PJA2: variants seen among roughly 807,000 people sequenced by gnomAD.
PJA2 encodes the protein praja ring finger ubiquitin ligase 2.
PJA2 carries 25 observed loss-of-function variants against 69.3 expected under a neutral mutation model. The observed-to-expected ratio is 0.36, with a 90% CI of 0.26 to 0.50. The LOEUF (loss-of-function observed/expected upper bound fraction) is 0.50. Ranked by LOEUF, PJA2 falls within the 20% of genes least tolerant of loss-of-function variation. The pLI is 0.96. For synonymous variants in PJA2, 308 were observed against 277.8 expected (o/e 1.11, Z -1.08); for missense variants, 809 against 830.2 (o/e 0.97, Z 0.31).
intron 4 of PJA2, 143 bp downstream of exon 4, chr5:109,378,061 A>G: frequency 1.6e-6 from 1 of 631,956 alleles, no homozygotes; most frequent in Non-Finnish European, 2.7e-6. Context: ...ATGTATGGTT[A>G]GCATTCAGTA....
At chr5:109,379,776 T>C (rs1030888930) in intron 3 of PJA2, among the ~76,000 whole-genome samples, 9 of 152,216 alleles carry the variant, frequency 5.9e-5, no homozygotes, top group Non-Finnish European at 1.2e-4. Context: ...TATCTCAGTA[T>C]CTCGACAGAT....
At chr5:109,364,157 A>G (rs1336635287) in intron 5 of PJA2, among the ~76,000 whole-genome samples, 1 of 151,984 alleles carries the variant, frequency 6.6e-6, no homozygotes, top group Non-Finnish European at 1.5e-5. Flanking sequence ...AACAAAAACA[A>G]AAAAGGACTC....
chr5:109,346,809 G>A (rs150875803), intron 7 of PJA2, among the ~76,000 whole-genome samples: 1 of 152,108 alleles, frequency 6.6e-6, no homozygotes, highest in Non-Finnish European at 1.5e-5. Context: ...TGATTACACT[G>A]AACTGTACAC....
At chr5:109,391,035 C>T (rs940028357) in intron 1 of PJA2, among the ~76,000 whole-genome samples, 1 of 152,068 alleles carries the variant, frequency 6.6e-6, no homozygotes. Flanking sequence ...CCTGACAAAT[C>T]CACTGTAAAA....
chr5:109,353,200 C>T (rs5019262), intron 7 of PJA2, among the ~76,000 whole-genome samples: 5,056 of 50,348 alleles, frequency 0.1, 987 homozygotes, highest in African/African-American at 0.26. Flanking sequence ...ATATTAGATA[C>T]CTATAATATC....
rs1762367137 is a variant in PJA2 at position 109,354,438 on chromosome 5, T to TATCTATA, written c.1764+1476_1764+1477insTATAGAT. On this transcript the variant is annotated intron_variant, in intron 7 of 9. Coordinates refer to ENST00000361189, the MANE Select transcript of PJA2 (RefSeq NM_014819.5). Reference sequence around the variant, plus strand: ...ATTAGATATCTATGATATCTAGAGATGTCTATAGATTAGATATCTATGATA... The same window carrying TATCTATA: ...ATTAGATATCTATGATATCTAGAGATATCTATAGTCTATAGATTAGATATCTATGATA... Among the ~76,000 whole-genome samples the TATCTATA allele has an allele frequency of 2.9e-5, 4 of 139,148 alleles. 1 individual carries two copies. Among genetic ancestry groups the TATCTATA allele is most frequent in the African/African-American group, 8.4e-5 (3 of 35,752 alleles). 91.3% of individuals were successfully genotyped at this position (139,148 alleles called of 152,430 possible). A position where few individuals can be genotyped will look rare whatever the true frequency, so the allele number is the denominator to read the frequency against.
chr5:109,396,790 G>A (rs1201482970), intron 1 of PJA2, among the ~76,000 whole-genome samples: 3 of 133,456 alleles, frequency 2.2e-5, no homozygotes, highest in South Asian at 2.7e-4. Context: ...AGGGGTGGGG[G>A]TGGGGGTGGG....
chr5:109,366,912 A>C (rs1308543151), intron 5 of PJA2, among the ~76,000 whole-genome samples: 1 of 152,118 alleles, frequency 6.6e-6, no homozygotes, highest in Non-Finnish European at 1.5e-5. Flanking sequence ...CAGGCAGATC[A>C]CCAGAGGTCA....
intron 5 of PJA2, among the ~76,000 whole-genome samples, chr5:109,367,393 T>TA (rs1028961676): frequency 6.7e-5 from 10 of 149,528 alleles, no homozygotes; most frequent in Middle Eastern, 3.5e-3. Flanking sequence ...GTTCTTTTCC[T>TA]AAAAAAAAAC....
intron 1 of PJA2, among the ~76,000 whole-genome samples, chr5:109,394,134 G>A (rs887393601): frequency 5.3e-5 from 7 of 133,318 alleles, no homozygotes; most frequent in Non-Finnish European, 4.7e-5. Flanking sequence ...TGCAACATCC[G>A]CCTCCTGGGT....
chr5:109,345,609 T>G (rs1180966586), intron 7 of PJA2, among the ~76,000 whole-genome samples: 1 of 152,094 alleles, frequency 6.6e-6, no homozygotes, highest in Admixed American at 6.5e-5. Context: ...CAACTATTGG[T>G]TCCTATGTGA....
chr5:109,355,451 C>T (rs955661206), intron 7 of PJA2, among the ~76,000 whole-genome samples: 2 of 152,094 alleles, frequency 1.3e-5, no homozygotes. Flanking sequence ...AGCAAATATG[C>T]CCCACTTATT....
At chr5:109,348,790 T>G (rs1273528025) in intron 7 of PJA2, among the ~76,000 whole-genome samples, 1 of 152,206 alleles carries the variant, frequency 6.6e-6, no homozygotes, top group African/African-American at 2.4e-5. Context: ...GACTGGGTCA[T>G]GGAAGAAAGA....
At chr5:109,380,086 CTTTTTTTTTTTT>C (rs35217352) in intron 3 of PJA2, among the ~76,000 whole-genome samples, 11 of 74,220 alleles carry the variant, frequency 1.5e-4, no homozygotes, top group African/African-American at 3.5e-4. Context: ...ACGAAGGGTT[CTTTTTTTTTTTT>C]TTTTTTTTTT....
intron 7 of PJA2, among the ~76,000 whole-genome samples, chr5:109,347,100 T>G (rs184580245): frequency 1.3e-5 from 2 of 152,298 alleles, no homozygotes; most frequent in East Asian, 3.9e-4. Flanking sequence ...GCAAAACGGT[T>G]CACAAAGAGT....
chr5:109,368,983 G>C (rs1162722451), intron 4 of PJA2, among the ~76,000 whole-genome samples: 3 of 151,996 alleles, frequency 2.0e-5, no homozygotes, highest in East Asian at 1.9e-4. Context: ...GTTTTCACCA[G>C]ATCTGGTTGT....
chr5:109,405,690 G>C (rs1747669920), intron 1 of PJA2, among the ~76,000 whole-genome samples: 1 of 152,110 alleles, frequency 6.6e-6, no homozygotes, highest in Non-Finnish European at 1.5e-5. Context: ...CATTTGAAAA[G>C]AAAATGAGCC....
chr5:109,337,485 C>A (rs1761969176), intron 9 of PJA2, 129 bp from the exon 10 acceptor site: 1 of 990,942 alleles, frequency 1.0e-6, no homozygotes, highest in Non-Finnish European at 1.4e-6. Flanking sequence ...AACTTCAAAT[C>A]CACACAATGC....
chr5:109,408,173 GAC>G (rs2127021985), intron 1 of PJA2, among the ~76,000 whole-genome samples: 1 of 152,276 alleles, frequency 6.6e-6, no homozygotes, highest in South Asian at 2.1e-4. Context: ...AACAGTGGCT[GAC>G]AATCAAGATG....
Sources: gnomAD v4.1 joint callset for allele counts (sites outside exome capture counted in the v4.1 genomes callset) on GRCh38, gnomAD v4.1.1 for gene constraint, MANE v1.5 for transcripts, NCBI Gene and HGNC (gene_info 2026-07-23, HGNC 2026-07-21) for gene names.